Variants in CAMTA1 observed in about 807,000 individuals in gnomAD.
The protein encoded by CAMTA1 is calmodulin-binding transcription activator 1.
A neutral mutation model predicts 170.9 loss-of-function variants in CAMTA1; 27 were observed. That is an observed-to-expected ratio of 0.16 (90% CI 0.12 to 0.22). The LOEUF is 0.22. Ranked by LOEUF, CAMTA1 falls within the 10% of genes least tolerant of loss-of-function variation. The pLI is 1.00. For missense variants in CAMTA1, 1,619 were observed against 2,217.2 expected (o/e 0.73, Z 5.42); for synonymous variants, 833 against 891.5 (o/e 0.93, Z 1.17).
At chr1:7,254,560 C>G (rs1011909695) in intron 5 of CAMTA1, among the ~76,000 whole-genome samples, 1 of 152,172 alleles carries the variant, frequency 6.6e-6, no homozygotes, top group Admixed American at 6.5e-5. Context: ...TGCCTTAAAG[C>G]TAGAAGCCCG....
intron 3 of CAMTA1, among the ~76,000 whole-genome samples, chr1:6,946,392 C>T (rs1239145099): frequency 6.6e-6 from 1 of 152,088 alleles, no homozygotes; most frequent in Non-Finnish European, 1.5e-5. Context: ...TGAGGTCTTG[C>T]TATACTGCCA....
At chr1:7,161,002 A>T (rs1302729138) in intron 4 of CAMTA1, among the ~76,000 whole-genome samples, 1 of 152,018 alleles carries the variant, frequency 6.6e-6, no homozygotes, top group Non-Finnish European at 1.5e-5. Context: ...GGGTTCCATG[A>T]TCTCTTTCCT....
intron 4 of CAMTA1, among the ~76,000 whole-genome samples, chr1:7,152,335 C>T (rs979289464): frequency 1.3e-5 from 2 of 152,154 alleles, no homozygotes; most frequent in African/African-American, 4.8e-5. Flanking sequence ...TGGCTTAAAG[C>T]TCCCCCTTCC....
intron 6 of CAMTA1, among the ~76,000 whole-genome samples, chr1:7,556,403 C>G (rs1248898309): frequency 1.3e-5 from 2 of 152,192 alleles, no homozygotes; most frequent in African/African-American, 2.4e-5. Context: ...ATCAGAAATA[C>G]AGAAAATAAA....
In CAMTA1 at chr1:7,767,154, G is replaced by T. The variant is rs1323822414; in HGVS notation, c.*663G>T. 1 of 152,798 alleles carries T rather than the reference G, an allele frequency of 6.5e-6. No individual in the cohort carries two copies. The highest frequency in any genetic ancestry group is 2.4e-5 in the African/African-American group (1 of 41,428). 9.5% of individuals were successfully genotyped at this position (152,798 alleles called of 1,614,324 possible). ...CTTGTGGAAATTTGCAGAGGGGCAGGTGTGTGGTAAACGGGTAATGCATGG... is the reference window on the plus strand; with the variant it reads ...CTTGTGGAAATTTGCAGAGGGGCAGTTGTGTGGTAAACGGGTAATGCATGG... On this transcript the variant is annotated 3_prime_UTR_variant, in exon 23 of 23. Coordinates refer to ENST00000303635, the MANE Select transcript of CAMTA1 (RefSeq NM_015215.4).
At chr1:7,560,314 G>A (rs768100149) in intron 6 of CAMTA1, among the ~76,000 whole-genome samples, 15 of 152,216 alleles carry the variant, frequency 9.9e-5, no homozygotes, top group Non-Finnish European at 1.9e-4. Flanking sequence ...TGTCCCCTGA[G>A]GCAGGTGCTG....
At chr1:6,795,279 C>A (rs1446570545) in intron 1 of CAMTA1, among the ~76,000 whole-genome samples, 3 of 152,094 alleles carry the variant, frequency 2.0e-5, no homozygotes, top group Admixed American at 6.5e-5. Flanking sequence ...CCTTGGCCTC[C>A]TGTGCTGAAA....
At chr1:7,566,912 C>A (rs986365967) in intron 6 of CAMTA1, among the ~76,000 whole-genome samples, 11 of 152,222 alleles carry the variant, frequency 7.2e-5, no homozygotes, top group African/African-American at 2.7e-4. Flanking sequence ...TCTTCATGGG[C>A]CAGTCTTCAT....
chr1:7,034,404 T>C (rs900701449), intron 3 of CAMTA1, among the ~76,000 whole-genome samples: 1 of 152,184 alleles, frequency 6.6e-6, no homozygotes, highest in Non-Finnish European at 1.5e-5. Context: ...TCCACCCGCC[T>C]CGGCCTCCCA....
intron 3 of CAMTA1, among the ~76,000 whole-genome samples, chr1:6,886,889 A>T (rs571665685): frequency 6.6e-6 from 1 of 152,292 alleles, no homozygotes; most frequent in East Asian, 1.9e-4. Flanking sequence ...GTCATCTTTC[A>T]CTTGTTAGGA....
chr1:7,677,672 G>A lies in CAMTA1; in HGVS notation c.2853G>A (p.Glu951=), dbSNP rs918272455. 2 of 1,613,994 alleles carry A rather than the reference G, an allele frequency of 1.2e-6. No homozygotes were observed. Among genetic ancestry groups the A allele is most frequent in the Non-Finnish European group, 1.7e-6 (2 of 1,180,014 alleles). ...TCATCTCCAACTCGGTGGTGTTTGA[G>A]TACAAAGCCCGGGCTCTGCCCACGC... The part of the protein sequence containing the change: ...NQIISNSVVF[E]YKARALPTLP... Residue 951 remains glutamate (E), a synonymous_variant, in exon 11 of 23, where the codon GAG becomes GAA. Transcript: ENST00000303635.
At chr1:6,878,379 G>T (rs1670535025) in intron 3 of CAMTA1, among the ~76,000 whole-genome samples, 1 of 152,226 alleles carries the variant, frequency 6.6e-6, no homozygotes, top group Non-Finnish European at 1.5e-5. Flanking sequence ...AAGACGTGTG[G>T]TTTTGTGCTA....
At chr1:7,540,146 G>A (rs2094592775) in intron 6 of CAMTA1, among the ~76,000 whole-genome samples, 2 of 152,172 alleles carry the variant, frequency 1.3e-5, no homozygotes, top group African/African-American at 2.4e-5. Context: ...ACAGTGCCTG[G>A]TTCATGATTG....
intron 3 of CAMTA1, among the ~76,000 whole-genome samples, chr1:7,058,695 C>A (rs933178162): frequency 6.6e-6 from 1 of 152,122 alleles, no homozygotes; most frequent in Non-Finnish European, 1.5e-5. Context: ...GGCAGATTTG[C>A]CAAAGTTCTA....
intron 5 of CAMTA1, among the ~76,000 whole-genome samples, chr1:7,290,344 G>T (rs1362416341): frequency 6.6e-6 from 1 of 152,134 alleles, no homozygotes; most frequent in African/African-American, 2.4e-5. Context: ...TTTCCTTACG[G>T]GTTGCCCCTC....
At chr1:7,164,949 C>T (rs1489584674) in intron 4 of CAMTA1, among the ~76,000 whole-genome samples, 1 of 152,236 alleles carries the variant, frequency 6.6e-6, no homozygotes, top group Admixed American at 6.5e-5. Context: ...ATGCTCGTCC[C>T]TTTGTCCCTT....
At chr1:7,215,631 T>C (rs1659620268) in intron 4 of CAMTA1, among the ~76,000 whole-genome samples, 1 of 152,210 alleles carries the variant, frequency 6.6e-6, no homozygotes. Context: ...TGACTTCAGG[T>C]GATCCTCCCA....
At chr1:6,888,006 A>T in intron 3 of CAMTA1, 1 of 1,139,272 alleles carries the variant, frequency 8.8e-7, no homozygotes, top group Non-Finnish European at 1.1e-6. Flanking sequence ...CCATGATGCC[A>T]CTCTGTCCCC....
chr1:7,200,740 T>C (rs1348005887), intron 4 of CAMTA1, among the ~76,000 whole-genome samples: 1 of 152,196 alleles, frequency 6.6e-6, no homozygotes, highest in Non-Finnish European at 1.5e-5. Flanking sequence ...TGGTGTTAAC[T>C]CATTGCTTGA....
Sources: allele counts gnomAD v4.1 joint callset (sites outside exome capture counted in the v4.1 genomes callset), GRCh38; gene constraint gnomAD v4.1.1; transcripts MANE v1.5; gene names NCBI Gene and HGNC (gene_info 2026-07-23, HGNC 2026-07-21).